LRP8: variants seen among roughly 807,000 people sequenced by gnomAD.
LRP8 encodes the protein LDL receptor related protein 8.
Under a neutral mutation model 111.6 loss-of-function variants are expected in LRP8, and 46 were observed. That is an observed-to-expected ratio of 0.41 (90% CI 0.33 to 0.53). The LOEUF is 0.53. LRP8 is among the 20% of genes least tolerant of loss of function. LRP8 has a pLI of 0.20. For synonymous variants in LRP8, 464 were observed against 511.2 expected, an observed-to-expected ratio of 0.91 and a Z score of 1.24; for missense variants, 959 against 1,297.4, an observed-to-expected ratio of 0.74 and a Z score of 4.01.
chr1:53,327,752 G>A lies in LRP8; in HGVS notation c.124+37C>T, dbSNP rs537776933. ...CGGCCGCGCTTTGTTGGTGGCTAGG[G>A]CGGAGCAGAGCCGAGTCAGAGACCG... On this transcript the variant is annotated intron_variant, in intron 1 of 18. Transcript: ENST00000306052. 4.5e-5 allele frequency: 66 copies of A among 1,462,746 alleles called. No individual in the cohort carries two copies. In the African/African-American group the frequency reaches 8.2e-4, roughly 18 times the overall value. 90.6% of individuals were successfully genotyped at this position (1,462,746 alleles called of 1,614,324 possible).
chr1:53,254,002 T>C (rs550840016), intron 16 of LRP8, among the ~76,000 whole-genome samples: 1 of 152,304 alleles, frequency 6.6e-6, no homozygotes, highest in African/African-American at 2.4e-5. Context: ...ACAGTCAGTG[T>C]CTTACACAGG....
Position 53,276,901 on chromosome 1 carries a change from C to T in LRP8, c.674G>A (p.Arg225His). 7.0e-7 allele frequency: 1 copy of T among 1,428,212 alleles called. No homozygotes were observed. Among genetic ancestry groups the T allele is most frequent in the South Asian group, 1.3e-5 (1 of 76,788 alleles). 88.5% of individuals were successfully genotyped at this position (1,428,212 alleles called of 1,614,324 possible). The stretch of plus-strand genomic sequence containing the variant: ...GTCAAACTGGCGGTCGCAGACCCAG[C>T]GCTCCGGGATGCAGGCGCCGCCGCC... ...GDGGGACIPE[R>H]WVCDRQFDCE... The change falls in exon 5 of 19, where the codon CGC (arginine) becomes CAC (histidine). Residue 225 changes from arginine (R) to histidine (H), a missense_variant. Physicochemically the swap from Arg to His is conservative, Grantham distance 29 (BLOSUM62 0). Coordinates refer to ENST00000306052, the MANE Select transcript of LRP8 (RefSeq NM_004631.5).
rs1557764131 is a variant in LRP8, at chr1:53,262,559, A to G, written c.1661T>C (p.Met554Thr). The G allele has an allele frequency of 6.2e-7, 1 of 1,613,876 alleles. No individual in the cohort carries two copies. The highest frequency in any genetic ancestry group is 8.5e-7 in the Non-Finnish European group (1 of 1,179,744). Residue 554 changes from methionine to threonine, a missense_variant, in exon 11 of 19, where the codon ATG (methionine) becomes ACG (threonine). Around this residue, in one of 3 missense-constraint regions of LRP8, gnomAD observed 819 missense variants for 1,097.6 expected, o/e 0.75. Coordinates refer to ENST00000306052, the MANE Select transcript of LRP8 (RefSeq NM_004631.5). The surrounding 1 kb of genome is among the most constrained non-coding windows in gnomAD (Gnocchi z 4.8). ...AIAVDPLRGFMYWSDWGDQAK... is the reference protein window; with the variant it reads ...AIAVDPLRGFTYWSDWGDQAK... ...CTGGTCCCCCCAGTCAGACCAATAC[A>G]TGAACCTAAAAGACAAAATAACCCA...
At chr1:53,308,616 G>A (rs907519723) in intron 2 of LRP8, among the ~76,000 whole-genome samples, 2 of 152,208 alleles carry the variant, frequency 1.3e-5, no homozygotes, top group Non-Finnish European at 2.9e-5. Flanking sequence ...AGTGAGTCGG[G>A]AAATCCCCCA....
intron 5 of LRP8, 119 bp downstream of exon 5, chr1:53,276,573 G>T: frequency 1.3e-6 from 1 of 787,812 alleles, no homozygotes; most frequent in Non-Finnish European, 1.8e-6. Flanking sequence ...CTCCTCTGTA[G>T]TAAACCCGGG....
chr1:53,285,072 A>G (rs573797414), intron 3 of LRP8, among the ~76,000 whole-genome samples: 3 of 152,322 alleles, frequency 2.0e-5, no homozygotes, highest in African/African-American at 7.2e-5. Context: ...TGGTCTGGGT[A>G]ATGACTGACA....
chr1:53,310,828 C>T (rs936421673), intron 2 of LRP8, among the ~76,000 whole-genome samples: 2 of 152,216 alleles, frequency 1.3e-5, no homozygotes, highest in Admixed American at 1.3e-4. Context: ...ATGGGCCCCT[C>T]CTCTGTGCTG....
At chr1:53,308,438 C>G (rs1258992908) in intron 2 of LRP8, among the ~76,000 whole-genome samples, 2 of 152,228 alleles carry the variant, frequency 1.3e-5, no homozygotes, top group Non-Finnish European at 2.9e-5. Flanking sequence ...CACTGGCCCT[C>G]CAGGTCTCTC....
Position 53,262,253 on chromosome 1 carries a change from T to C in LRP8, c.1775-46A>G, listed in dbSNP as rs1646367588. On this transcript the variant is annotated intron_variant, in intron 11 of 18. Transcript: ENST00000306052. This position sits in a 1 kb window ranked among gnomAD's most constrained non-coding sequence, Gnocchi z 4.8. Reference sequence around the variant, plus strand: ...AGGTCATGAACCTGGGACCCCAGTCTGGAGCTCTGTTCCTTTGTACCTCTC... The same window carrying C: ...AGGTCATGAACCTGGGACCCCAGTCCGGAGCTCTGTTCCTTTGTACCTCTC... 1 of 1,609,434 alleles carries C rather than the reference T, an allele frequency of 6.2e-7. No individual in the cohort carries two copies. Among genetic ancestry groups the C allele is most frequent in the African/African-American group, 1.3e-5 (1 of 74,760 alleles).
chr1:53,313,510 C>T (rs1332609021), intron 2 of LRP8, among the ~76,000 whole-genome samples: 2 of 152,138 alleles, frequency 1.3e-5, no homozygotes, highest in Non-Finnish European at 2.9e-5. Flanking sequence ...TAAATCAGGA[C>T]ATCATGGTAT....
intron 16 of LRP8, among the ~76,000 whole-genome samples, chr1:53,254,086 G>C (rs1446916105): frequency 3.9e-5 from 6 of 152,080 alleles, no homozygotes; most frequent in African/African-American, 1.4e-4. Flanking sequence ...CAAAGTTCCT[G>C]TCCTTGAAGT....
At chr1:53,327,689 T>C in intron 1 of LRP8, 100 bp downstream of exon 1, 1 of 1,305,072 alleles carries the variant, frequency 7.7e-7, no homozygotes, top group Non-Finnish European at 9.8e-7. Context: ...GAGCCCCCGA[T>C]AGCCCCGGGT....
chr1:53,292,649 T>A (rs1649001128), intron 2 of LRP8, among the ~76,000 whole-genome samples: 1 of 152,246 alleles, frequency 6.6e-6, no homozygotes, highest in Non-Finnish European at 1.5e-5. Context: ...TTTTTCTCGT[T>A]CTAACACTCA....
rs1490735987 is a variant in LRP8, at chr1:53,266,794, A to C, written c.1253-147T>G. On this transcript the variant is annotated intron_variant, in intron 8 of 18. Coordinates refer to ENST00000306052, the MANE Select transcript of LRP8 (RefSeq NM_004631.5). The surrounding 1 kb of genome is among the most constrained non-coding windows in gnomAD (Gnocchi z 5.0). ...TTCCTACTTTACAGGTTGCAGGAGC[A>C]GATGAAATAATGAGTACAGAAAGCA... is the stretch of plus-strand genomic sequence containing the variant. The C allele has an allele frequency of 1.5e-6, 1 of 662,992 alleles. No homozygotes were observed. The highest frequency in any genetic ancestry group is 2.6e-6 in the Non-Finnish European group (1 of 379,366). The allele number at this position is 662,992 out of a possible 1,614,324, so 41.1% of individuals were successfully genotyped here. A position where few individuals can be genotyped will look rare whatever the true frequency, so the allele number is the denominator to read the frequency against.
intron 3 of LRP8, among the ~76,000 whole-genome samples, chr1:53,281,204 C>A (rs1014861146): frequency 2.0e-5 from 3 of 152,240 alleles, no homozygotes; most frequent in African/African-American, 7.2e-5. Flanking sequence ...CGGCTCCAAT[C>A]GGCCCGCCTC....
At chr1:53,311,949 G>A (rs142107052) in intron 2 of LRP8, among the ~76,000 whole-genome samples, 194 of 152,334 alleles carry the variant, frequency 1.3e-3, no homozygotes, top group Non-Finnish European at 1.7e-3. Flanking sequence ...GGGCCTTGTC[G>A]ACTGCAGAGA....
rs550214932 is a variant in LRP8 at position 53,292,357 on chromosome 1, A to G, written c.245-2668T>C. On this transcript the variant is annotated intron_variant, in intron 2 of 18. Transcript: ENST00000306052. The stretch of plus-strand genomic sequence containing the variant: ...GGTAGATTGAGGCCCAGAAAGGGAA[A>G]GGGGCTGGCTGAGGGAAATACAGCA... 6.2e-4 allele frequency among the ~76,000 whole-genome samples: 95 copies of G among 152,338 alleles called. 1 individual carries two copies. Among genetic ancestry groups the G allele is most frequent in the Non-Finnish European group, 9.6e-4 (65 of 68,026 alleles).
intron 2 of LRP8, among the ~76,000 whole-genome samples, chr1:53,306,750 C>T (rs1351960495): frequency 6.6e-6 from 1 of 152,222 alleles, no homozygotes; most frequent in Non-Finnish European, 1.5e-5. Context: ...GTCCCACCTC[C>T]TGGCCTGCTC....
intron 15 of LRP8, among the ~76,000 whole-genome samples, chr1:53,255,888 GAA>G (rs1646068567): frequency 2.0e-5 from 3 of 152,200 alleles, no homozygotes; most frequent in Non-Finnish European, 2.9e-5. Flanking sequence ...TATCTAAAAT[GAA>G]TATAAAATGC....
Sources: gnomAD v4.1 joint callset for allele counts (sites outside exome capture counted in the v4.1 genomes callset) on GRCh38, gnomAD v4.1.1 for gene constraint, gnomAD v4.1.1 regional missense constraint, Gnocchi (gnomAD v3.1) non-coding constraint, MANE v1.5 for transcripts, NCBI Gene and HGNC (gene_info 2026-07-23, HGNC 2026-07-21) for gene names.